Variants in GPR173 observed in about 807,000 individuals in gnomAD.
GPR173 encodes the protein probable G protein-coupled receptor 173.
A neutral mutation model predicts 13.9 loss-of-function variants in GPR173; 2 were observed. The observed-to-expected ratio is 0.14, with a 90% CI of 0.06 to 0.45. The LOEUF is 0.45. Ranked by LOEUF, GPR173 falls within the 20% of genes least tolerant of loss-of-function variation. The pLI is 0.98. For synonymous variants in GPR173, 131 were observed against 141.0 expected (o/e 0.93, Z 0.50); for missense variants, 202 against 340.5 (o/e 0.59, Z 3.20).
intron 1 of GPR173, among the ~76,000 whole-genome samples, chrX:53,073,745 C>A (rs1932302854): frequency 2.2e-5 from 2 of 89,000 alleles, no homozygotes; most frequent in African/African-American, 4.2e-5. Context: ...AGGCAATAAA[C>A]TAAAATTTAA....
chrX:53,051,186 G>A lies in GPR173; in HGVS notation c.-98+1702G>A, dbSNP rs782732682. Among the ~76,000 whole-genome samples the A allele has an allele frequency of 2.7e-5, 3 of 111,181 alleles. No homozygotes were observed. In the East Asian group the frequency reaches 8.5e-4, roughly 32 times the overall value. On this transcript the variant is annotated intron_variant, in intron 1 of 1. Transcript: ENST00000332582. ...CAGGGAGCTGCTCACCTAGAGCCTG[G>A]GGTGGGGGAAGAACGGGGTCTGCTG...
At chrX:53,059,051 C>T (rs1255703486) in intron 1 of GPR173, among the ~76,000 whole-genome samples, 1 of 107,500 alleles carries the variant, frequency 9.3e-6, no homozygotes, top group Non-Finnish European at 1.9e-5. Context: ...AGATCAAGAC[C>T]ATCCTGGCTA....
intron 1 of GPR173, among the ~76,000 whole-genome samples, chrX:53,069,323 G>C (rs782463045): frequency 9.2e-6 from 1 of 108,845 alleles, no homozygotes; most frequent in Non-Finnish European, 1.9e-5. Flanking sequence ...TGTCCACATA[G>C]GTATAGGCCA....
chrX:53,069,117 G>T (rs1375164063), intron 1 of GPR173, among the ~76,000 whole-genome samples: 1 of 106,268 alleles, frequency 9.4e-6, no homozygotes, highest in Non-Finnish European at 1.9e-5. Context: ...GCACCACTAC[G>T]CCCAGCTAAT....
At chrX:53,059,214 A>C (rs1487858270) in intron 1 of GPR173, among the ~76,000 whole-genome samples, 5 of 107,227 alleles carry the variant, frequency 4.7e-5, no homozygotes, top group African/African-American at 1.7e-4. Flanking sequence ...GCGCAACTGC[A>C]CTCCAGCCTG....
intron 1 of GPR173, among the ~76,000 whole-genome samples, chrX:53,072,149 G>A (rs1163078578): frequency 9.3e-6 from 1 of 108,042 alleles, no homozygotes; most frequent in African/African-American, 3.4e-5. Context: ...GGGGGGATGT[G>A]GGGGGTTTTG....
At chrX:53,067,732 G>A (rs782065125) in intron 1 of GPR173, among the ~76,000 whole-genome samples, 2 of 108,509 alleles carry the variant, frequency 1.8e-5, no homozygotes, top group African/African-American at 6.7e-5. Context: ...GCTGAGGCAG[G>A]AGAATGGCGT....
At chrX:53,074,731 T>C (rs781888822) in intron 1 of GPR173, among the ~76,000 whole-genome samples, 1 of 92,987 alleles carries the variant, frequency 1.1e-5, no homozygotes, top group East Asian at 3.2e-4. Context: ...TTATTTGTAT[T>C]TATATATAAA....
At chrX:53,075,729 C>A (rs1176125598) in intron 1 of GPR173, among the ~76,000 whole-genome samples, 1 of 110,556 alleles carries the variant, frequency 9.0e-6, no homozygotes, top group African/African-American at 3.3e-5. Flanking sequence ...TCTCACCGTT[C>A]CTGCCTCACT....
intron 1 of GPR173, among the ~76,000 whole-genome samples, chrX:53,067,637 AAC>A (rs782045838): frequency 1.8e-5 from 2 of 111,130 alleles, no homozygotes; most frequent in Non-Finnish European, 3.8e-5. Flanking sequence ...CATCCTGGCT[AAC>A]ACAGTGAAAC....
chrX:53,065,776 C>A (rs1556804163), intron 1 of GPR173, among the ~76,000 whole-genome samples: 1 of 112,073 alleles, frequency 8.9e-6, no homozygotes, highest in African/African-American at 3.2e-5. Context: ...GCATCTCTTT[C>A]TTTTCTTTCA....
chrX:53,049,066 G>C lies in GPR173; in HGVS notation c.-516G>C, dbSNP rs1396826867. The C allele has an allele frequency of 1.0e-5, 1 of 100,248 alleles. No individual in the cohort carries two copies. Among genetic ancestry groups the C allele is most frequent in the African/African-American group, 3.7e-5 (1 of 27,238 alleles). The allele number at this position is 100,248 out of a possible 1,213,427, so 8.3% of individuals were successfully genotyped here. A position where few individuals can be genotyped will look rare whatever the true frequency, so the allele number is the denominator to read the frequency against. On this transcript the variant is annotated 5_prime_UTR_variant, in exon 1 of 2. Coordinates refer to ENST00000332582, the MANE Select transcript of GPR173 (RefSeq NM_018969.6). ...GGCCAGCAGGCAGACGGAGGGGGGG[G>C]GTGGGGGGTGGGGGGGGTAGGGGGA... is the stretch of plus-strand genomic sequence containing the variant.
chrX:53,062,587 T>C (rs1932142791), intron 1 of GPR173, among the ~76,000 whole-genome samples: 1 of 93,691 alleles, frequency 1.1e-5, no homozygotes, highest in African/African-American at 4.0e-5. Context: ...TTTTTTTTTT[T>C]TTTTTTTTTT....
chrX:53,064,763 G>A (rs1932167254), intron 1 of GPR173, among the ~76,000 whole-genome samples: 1 of 110,712 alleles, frequency 9.0e-6, no homozygotes, highest in African/African-American at 3.3e-5. Flanking sequence ...CTTTTATCAG[G>A]AACCCGTTTC....
Position 53,078,058 on chromosome X carries a change from T to C in GPR173, c.*315T>C, listed in dbSNP as rs1932470014. On this transcript the variant is annotated 3_prime_UTR_variant, in exon 2 of 2. Coordinates refer to ENST00000332582, the MANE Select transcript of GPR173 (RefSeq NM_018969.6). ...TCTCTCTCTCTCTCAGAAGTGACAA[T>C]TCAGAAAAAGAAAAGAACACTGAGA... 3 of 284,454 alleles carry C rather than the reference T, an allele frequency of 1.1e-5. No individual in the cohort carries two copies. Among genetic ancestry groups the C allele is most frequent in the Non-Finnish European group, 1.9e-5 (3 of 155,062 alleles). The allele number at this position is 284,454 out of a possible 1,213,427, so 23.4% of individuals were successfully genotyped here. A position where few individuals can be genotyped will look rare whatever the true frequency, so the allele number is the denominator to read the frequency against.
chrX:53,058,730 C>T (rs1556803409), intron 1 of GPR173, among the ~76,000 whole-genome samples: 1 of 110,806 alleles, frequency 9.0e-6, no homozygotes. Context: ...GGGTGGGGCA[C>T]GGGAGGGCCT....
chrX:53,049,872 C>G (rs187142658), intron 1 of GPR173, among the ~76,000 whole-genome samples: 2 of 110,943 alleles, frequency 1.8e-5, no homozygotes, highest in African/African-American at 6.6e-5. Context: ...CAGCCTCTTG[C>G]GGCTGCTCCT....
chrX:53,070,050 C>A (rs915064498), intron 1 of GPR173, among the ~76,000 whole-genome samples: 1 of 110,783 alleles, frequency 9.0e-6, no homozygotes, highest in African/African-American at 3.3e-5. Flanking sequence ...GGTTCAAGTG[C>A]GTGTCAGCCT....
chrX:53,051,702 A>G (rs981268821), intron 1 of GPR173, among the ~76,000 whole-genome samples: 1 of 111,052 alleles, frequency 9.0e-6, no homozygotes, highest in Non-Finnish European at 1.9e-5. Context: ...GTCTAGTTGT[A>G]TATGTGTGTG....
Sources: allele counts gnomAD v4.1 joint callset (sites outside exome capture counted in the v4.1 genomes callset), GRCh38; gene constraint gnomAD v4.1.1; transcripts MANE v1.5; gene names NCBI Gene and HGNC (gene_info 2026-07-23, HGNC 2026-07-21).